The following ZNF605 variants were observed in gnomAD, a reference collection of about 807,000 sequenced individuals.
ZNF605 encodes zinc finger protein 605.
ZNF605 carries 9 observed loss-of-function variants against 7.9 expected under a neutral mutation model. The observed-to-expected ratio is 1.14, with a 90% CI of 0.68 to 1.98. ZNF605 has a LOEUF of 1.98. Ranked by LOEUF, ZNF605 falls within the 30% of genes most tolerant of loss-of-function variation. The pLI is 0.00. For missense variants in ZNF605, 673 were observed against 762.4 expected (o/e 0.88, Z 1.38); for synonymous variants, 255 against 260.1 (o/e 0.98, Z 0.19).
At chr12:132,953,176 C>T (rs1952590655) in intron 1 of ZNF605, among the ~76,000 whole-genome samples, 1 of 152,240 alleles carries the variant, frequency 6.6e-6, no homozygotes, top group South Asian at 2.1e-4. Flanking sequence ...CACTCTCACT[C>T]ACCCCATGTG....
intron 4 of ZNF605, among the ~76,000 whole-genome samples, chr12:132,929,561 T>C (rs1952284520): frequency 6.6e-6 from 1 of 152,148 alleles, no homozygotes; most frequent in Non-Finnish European, 1.5e-5. Context: ...TGAGATCCAC[T>C]TGAAGAGTTT....
At chr12:132,945,937 G>A (rs1337215620) in intron 2 of ZNF605, 140 bp from the exon 3 acceptor site, 6 of 578,488 alleles carry the variant, frequency 1.0e-5, no homozygotes, top group African/African-American at 3.7e-5. Flanking sequence ...GCTAGCGGGC[G>A]GGAAGCAGGG....
At position 132,922,851 on chromosome 12, in the gene ZNF605, A is replaced by T. The variant is rs1446865108; in HGVS notation, c.*2522T>A. ...ACCATGGTCCAGGCAGGAGGAAGGG[A>T]ACGGTAATAAATAACTTTTTCTCCT... is the stretch of plus-strand genomic sequence containing the variant. On this transcript the variant is annotated 3_prime_UTR_variant, in exon 5 of 5. Coordinates refer to ENST00000360187, the MANE Select transcript of ZNF605 (RefSeq NM_183238.4). 1 of 152,218 alleles carries T rather than the reference A, an allele frequency of 6.6e-6. No homozygotes were observed. Among genetic ancestry groups the T allele is most frequent in the Non-Finnish European group, 1.5e-5 (1 of 68,066 alleles). The allele number at this position is 152,218 out of a possible 1,614,324, so 9.4% of individuals were successfully genotyped here.
At chr12:132,930,221 A>G (rs965575576) in intron 4 of ZNF605, among the ~76,000 whole-genome samples, 11 of 152,142 alleles carry the variant, frequency 7.2e-5, no homozygotes, top group Admixed American at 5.2e-4. Context: ...TCTTGTAGAG[A>G]TGGGGTCTTG....
rs370264671 is a variant in ZNF605 at position 132,938,665 on chromosome 12, C to G, written c.16-5510G>C. Among the ~76,000 whole-genome samples the G allele has an allele frequency of 2.7e-4, 41 of 152,316 alleles. No individual in the cohort carries two copies. In the East Asian group the frequency reaches 6.8e-3, roughly 25 times the overall value. ...CCCACTTTGGTGGCATTTGAGGAGC[C>G]CTTCAGTCCCCCACTGCACTGTGGG... is the stretch of plus-strand genomic sequence containing the variant. On this transcript the variant is annotated intron_variant, in intron 3 of 4. Coordinates refer to ENST00000360187, the MANE Select transcript of ZNF605 (RefSeq NM_183238.4).
chr12:132,942,272 A>C (rs1017958674), intron 3 of ZNF605, among the ~76,000 whole-genome samples: 2 of 152,206 alleles, frequency 1.3e-5, no homozygotes, highest in African/African-American at 4.8e-5. Flanking sequence ...CCTCCTAAAA[A>C]ACCAAACACA....
Position 132,920,894 on chromosome 12 carries a change from T to G in ZNF605, c.*4479A>C, listed in dbSNP as rs1488161202. On this transcript the variant is annotated 3_prime_UTR_variant, in exon 5 of 5. Coordinates refer to ENST00000360187, the MANE Select transcript of ZNF605 (RefSeq NM_183238.4). ...CAGACTGGAGTGCAATGCCGTGATCTCGGCTCACTGCAACCTCCTCCTCCC... is the reference window on the plus strand; with the variant it reads ...CAGACTGGAGTGCAATGCCGTGATCGCGGCTCACTGCAACCTCCTCCTCCC... 6.6e-6 allele frequency: 1 copy of G among 152,318 alleles called. No individual in the cohort carries two copies. The highest frequency in any genetic ancestry group is 1.9e-4 in the East Asian group (1 of 5,190). The allele number at this position is 152,318 out of a possible 1,614,324, so 9.4% of individuals were successfully genotyped here.
At chr12:132,952,914 C>T (rs914973329) in intron 1 of ZNF605, among the ~76,000 whole-genome samples, 11 of 152,128 alleles carry the variant, frequency 7.2e-5, no homozygotes, top group Admixed American at 3.9e-4. Context: ...CCCACCAACA[C>T]GGCCCTGCCA....
At chr12:132,929,444 C>T (rs1952283435) in intron 4 of ZNF605, among the ~76,000 whole-genome samples, 2 of 152,138 alleles carry the variant, frequency 1.3e-5, no homozygotes, top group Admixed American at 6.5e-5. Flanking sequence ...TAAAGAAAGA[C>T]TCAGTGTTTC....
chr12:132,954,172 C>T (rs1593608833), intron 1 of ZNF605, among the ~76,000 whole-genome samples: 1 of 151,398 alleles, frequency 6.6e-6, no homozygotes, highest in African/African-American at 2.4e-5. Flanking sequence ...ACAGGCCCAA[C>T]TGATGACTGG....
intron 3 of ZNF605, among the ~76,000 whole-genome samples, chr12:132,940,528 G>C (rs1952425593): frequency 6.6e-6 from 1 of 151,550 alleles, no homozygotes; most frequent in Admixed American, 6.6e-5. Context: ...GTGTATTGTT[G>C]ATGCTGATGT....
Position 132,922,557 on chromosome 12 carries a change from A to G in ZNF605, c.*2816T>C, listed in dbSNP as rs945065963. 1 of 152,270 alleles carries G rather than the reference A, an allele frequency of 6.6e-6. No homozygotes were observed. Among genetic ancestry groups the G allele is most frequent in the African/African-American group, 2.4e-5 (1 of 41,474 alleles). The allele number at this position is 152,270 out of a possible 1,614,324, so 9.4% of individuals were successfully genotyped here. The stretch of plus-strand genomic sequence containing the variant: ...GCACTTGTACTGATAACTGATTATC[A>G]CAATTTTATTAAATGCTCATCATTT... On this transcript the variant is annotated 3_prime_UTR_variant, in exon 5 of 5. Coordinates refer to ENST00000360187, the MANE Select transcript of ZNF605 (RefSeq NM_183238.4).
intron 4 of ZNF605, among the ~76,000 whole-genome samples, chr12:132,932,379 A>C (rs1161911933): frequency 6.6e-6 from 1 of 152,352 alleles, no homozygotes; most frequent in Non-Finnish European, 1.5e-5. Context: ...ATAAACTCAA[A>C]GGCAATCAGT....
intron 1 of ZNF605, among the ~76,000 whole-genome samples, chr12:132,951,199 C>T (rs985433572): frequency 1.3e-5 from 2 of 149,670 alleles, no homozygotes; most frequent in African/African-American, 5.1e-5. Flanking sequence ...TGCACACACA[C>T]TCAGACACAC....
intron 3 of ZNF605, among the ~76,000 whole-genome samples, chr12:132,943,006 T>C (rs1952459080): frequency 6.6e-6 from 1 of 152,146 alleles, no homozygotes; most frequent in Non-Finnish European, 1.5e-5. Context: ...TGAGGTAGCC[T>C]GTTTCACACT....
rs1952247733 is a variant in ZNF605 at position 132,926,364 on chromosome 12, C to G, written c.935G>C (p.Ser312Thr). 1 of 1,614,070 alleles carries G rather than the reference C, an allele frequency of 6.2e-7. No individual in the cohort carries two copies. Among genetic ancestry groups the G allele is most frequent in the Non-Finnish European group, 8.5e-7 (1 of 1,180,048 alleles). Residue 312 changes from serine to threonine, a missense_variant, in exon 5 of 5, where the codon AGT becomes ACT. Physicochemically the swap from Ser to Thr is moderately conservative, Grantham distance 58 (BLOSUM62 1). Transcript: ENST00000360187. ...AHTGEKPYPC[S>T]HCGKAFFWKS... ...CCAAAAGAAGGCTTTTCCACAGTGA[C>G]TACATGGATAGGGTTTCTCTCCTGT...
rs965672364 is a variant in ZNF605 at position 132,954,126 on chromosome 12, C to G, written c.-286+2117G>C. ...CCAGACACTTACCATTCCTACGTCA[C>G]ACCATAGACCTCACAGGCCAGGCAG... is the stretch of plus-strand genomic sequence containing the variant. On this transcript the variant is annotated intron_variant, in intron 1 of 4. Transcript: ENST00000360187. 4.7e-4 allele frequency among the ~76,000 whole-genome samples: 71 copies of G among 151,822 alleles called. 1 individual carries two copies. Among genetic ancestry groups the G allele is most frequent in the African/African-American group, 1.7e-3 (69 of 41,388 alleles).
chr12:132,945,927 G>A (rs1952490638), intron 2 of ZNF605, 130 bp from the exon 3 acceptor site: 3 of 584,106 alleles, frequency 5.1e-6, no homozygotes, highest in Admixed American at 3.0e-5. Flanking sequence ...TCACACCAGG[G>A]CTAGCGGGCG....
At chr12:132,948,836 C>T (rs1245128580) in intron 1 of ZNF605, among the ~76,000 whole-genome samples, 3 of 152,180 alleles carry the variant, frequency 2.0e-5, no homozygotes, top group African/African-American at 7.2e-5. Flanking sequence ...CCCAGGTGAC[C>T]CCACGCTCAG....
Sources: allele counts gnomAD v4.1 joint callset (sites outside exome capture counted in the v4.1 genomes callset), GRCh38; gene constraint gnomAD v4.1.1; transcripts MANE v1.5; gene names NCBI Gene and HGNC (gene_info 2026-07-23, HGNC 2026-07-21).